The following LITAF variants were observed in gnomAD, a reference collection of about 807,000 sequenced individuals.
LITAF encodes the protein lipopolysaccharide-induced tumor necrosis factor-alpha factor.
In LITAF, 9 loss-of-function variants were observed where a neutral mutation model predicts 14.5. The ratio of observed to expected loss-of-function variants is 0.62; its 90% CI spans 0.37 to 1.08. The LOEUF is 1.08. LITAF is among the 50% of genes least tolerant of loss of function. LITAF has a pLI of 0.01. For synonymous variants in LITAF, 98 were observed against 88.2 expected (o/e 1.11, Z -0.62); for missense variants, 206 against 213.4 (o/e 0.97, Z 0.22).
chr16:11,574,721 G>A (rs1567247716), intron 1 of LITAF, among the ~76,000 whole-genome samples: 1 of 151,994 alleles, frequency 6.6e-6, no homozygotes, highest in Non-Finnish European at 1.5e-5. Flanking sequence ...TTTCTATTTG[G>A]TAAGAAGACG....
chr16:11,627,922 C>A (rs2141902502), intron 3 of LITAF, among the ~76,000 whole-genome samples: 1 of 146,154 alleles, frequency 6.8e-6, no homozygotes, highest in South Asian at 2.2e-4. Context: ...GAGGCCGAGG[C>A]AGGAAAATCA....
In LITAF at chr16:11,625,294, G is replaced by A. The variant is rs553906871; in HGVS notation, c.85+8239C>T. ...TTTTTTTTTTTTGAGACAGGGTCTC[G>A]CTCTGTCACCCAGGCTGGAATGCAG... On this transcript the variant is annotated intron_variant, in intron 3 of 3. Coordinates refer to the LITAF transcript ENST00000574848. Among the ~76,000 whole-genome samples, 22 of 145,258 alleles carry A rather than the reference G, an allele frequency of 1.5e-4. No individual in the cohort carries two copies. The South Asian group carries it at 4.7e-3, about 31-fold the overall frequency.
chr16:11,557,545 G>T (rs2064293529), intron 1 of LITAF, among the ~76,000 whole-genome samples: 1 of 152,122 alleles, frequency 6.6e-6, no homozygotes, highest in South Asian at 2.1e-4. Context: ...CACCACCCAG[G>T]CTCAGGTGAT....
chr16:11,576,279 G>A (rs1404790605), intron 1 of LITAF, among the ~76,000 whole-genome samples: 2 of 151,974 alleles, frequency 1.3e-5, no homozygotes, highest in African/African-American at 2.4e-5. Flanking sequence ...GACCAGCCTG[G>A]CCAACATGGT....
Position 11,608,189 on chromosome 16 carries a change from G to T in LITAF, c.85+25344C>A, listed in dbSNP as rs536671647. ...TGCGTCACAGATAAACCCCACTGGG[G>T]TTCAGAGAAGCTGAGCGAGTGGCCC... On this transcript the variant is annotated intron_variant, in intron 3 of 3. Transcript: ENST00000574848. Among the ~76,000 whole-genome samples, 4 of 152,330 alleles carry T rather than the reference G, an allele frequency of 2.6e-5. No homozygotes were observed. The South Asian group carries it at 6.2e-4, about 24-fold the overall frequency.
intron 3 of LITAF, among the ~76,000 whole-genome samples, chr16:11,620,382 C>T (rs1017771930): frequency 1.3e-5 from 2 of 152,044 alleles, no homozygotes; most frequent in Non-Finnish European, 2.9e-5. Flanking sequence ...ATCTCTTGCT[C>T]CTGTTTTCGC....
At chr16:11,564,371 C>T (rs894101894) in intron 1 of LITAF, among the ~76,000 whole-genome samples, 2 of 152,110 alleles carry the variant, frequency 1.3e-5, no homozygotes, top group Admixed American at 6.6e-5. Flanking sequence ...CTTTCAGCAA[C>T]AGATCTGCTT....
chr16:11,560,240 G>T (rs1381469194), intron 1 of LITAF, among the ~76,000 whole-genome samples: 2 of 151,724 alleles, frequency 1.3e-5, no homozygotes, highest in Non-Finnish European at 2.9e-5. Flanking sequence ...GAGGTTGCAG[G>T]GAGCTGAGAT....
intron 1 of LITAF, among the ~76,000 whole-genome samples, chr16:11,557,093 T>G (rs1665914271): frequency 6.6e-6 from 1 of 152,228 alleles, no homozygotes; most frequent in Non-Finnish European, 1.5e-5. Flanking sequence ...TTTGTGGTTT[T>G]TTTGGTTTTT....
In LITAF at chr16:11,553,595, A is replaced by G. The variant is rs2064217259; in HGVS notation, c.315T>C (p.Ser105=). The change falls in exon 3 of 4, where the codon AGT becomes AGC. Residue 105 remains serine, a synonymous_variant. Transcript: ENST00000622633. This position sits in a 1 kb window ranked among gnomAD's most constrained non-coding sequence, Gnocchi z 7.7. ...GAGCACCGGCGTTATAGGACAGCTG[A>G]CTCACGATCATCTTGTTGCAGGAAG... The part of the protein sequence containing the change: ...CCPSCNKMIV[S]QLSYNAGALT... 1 of 1,613,998 alleles carries G rather than the reference A, an allele frequency of 6.2e-7. No individual in the cohort carries two copies. Among genetic ancestry groups the G allele is most frequent in the African/African-American group, 1.3e-5 (1 of 74,904 alleles).
chr16:11,610,992 GAA>G (rs770480647), intron 3 of LITAF, among the ~76,000 whole-genome samples: 4 of 151,938 alleles, frequency 2.6e-5, no homozygotes, highest in African/African-American at 7.3e-5. Flanking sequence ...GAGGAGGGAG[GAA>G]AAGTCAAGGA....
rs144468071 is a variant in LITAF at position 11,576,785 on chromosome 16, G to A, written c.-6+10101C>T. ...CATAGTTGCCGTGGGCGCCTCCTCT[G>A]AGTGAGGTAAACAGGCTTGGGCATC... On this transcript the variant is annotated intron_variant, in intron 1 of 3. Transcript: ENST00000622633. Among the ~76,000 whole-genome samples, 303 of 152,224 alleles carry A rather than the reference G, an allele frequency of 2.0e-3. 1 individual carries two copies. Among genetic ancestry groups the A allele is most frequent in the African/African-American group, 6.9e-3 (288 of 41,496 alleles).
At chr16:11,633,194 G>A (rs1278282568) in intron 3 of LITAF, among the ~76,000 whole-genome samples, 1 of 152,060 alleles carries the variant, frequency 6.6e-6, no homozygotes, top group African/African-American at 2.4e-5. Context: ...ACCTGGGGCA[G>A]CCCAGGGCCA....
chr16:11,603,057 C>T (rs898551888), upstream of LITAF, among the ~76,000 whole-genome samples: 7 of 151,910 alleles, frequency 4.6e-5, no homozygotes, highest in African/African-American at 1.5e-4. Flanking sequence ...GAGGCTGCAG[C>T]GAGCTGTGAT....
At chr16:11,590,441 C>T (rs1368556918), upstream of LITAF, among the ~76,000 whole-genome samples, 4 of 116,932 alleles carry the variant, frequency 3.4e-5, 2 homozygotes, top group East Asian at 5.8e-4. Flanking sequence ...ACTTCAAGTA[C>T]CCTTACAACC....
At chr16:11,602,678 T>C (rs528966236), upstream of LITAF, among the ~76,000 whole-genome samples, 1 of 151,670 alleles carries the variant, frequency 6.6e-6, no homozygotes, top group East Asian at 1.9e-4. Flanking sequence ...ACAAGTATGG[T>C]TGAGTTACAC....
intron 3 of LITAF, among the ~76,000 whole-genome samples, chr16:11,609,369 A>G (rs2064970484): frequency 6.6e-6 from 1 of 151,670 alleles, no homozygotes; most frequent in Non-Finnish European, 1.5e-5. Flanking sequence ...CTGCCACCAC[A>G]CTCAGCTAAT....
intron 1 of LITAF, among the ~76,000 whole-genome samples, chr16:11,583,742 G>T (rs922634060): frequency 1.3e-5 from 2 of 152,056 alleles, no homozygotes; most frequent in Admixed American, 6.6e-5. Flanking sequence ...TAAATCTAAG[G>T]CTCCATGAGC....
intron 3 of LITAF, among the ~76,000 whole-genome samples, chr16:11,618,858 C>G (rs1346734804): frequency 6.6e-6 from 1 of 151,954 alleles, no homozygotes; most frequent in Non-Finnish European, 1.5e-5. Context: ...TGGTGGGTGC[C>G]TGTAATCCCA....
Sources: allele counts gnomAD v4.1 joint callset (sites outside exome capture counted in the v4.1 genomes callset), GRCh38; gene constraint gnomAD v4.1.1; non-coding constraint Gnocchi (gnomAD v3.1); transcripts MANE v1.5; gene names NCBI Gene and HGNC (gene_info 2026-07-23, HGNC 2026-07-21).